The following DOCK2 variants were observed in gnomAD, a reference collection of about 807,000 sequenced individuals.
DOCK2 encodes the protein dedicator of cytokinesis 2, also known as dedicator of cytokinesis protein 2.
A neutral mutation model predicts 248.9 loss-of-function variants in DOCK2; 87 were observed. That is an observed-to-expected ratio of 0.35 (90% CI 0.29 to 0.42). The LOEUF is 0.42. Ranked by LOEUF, DOCK2 falls within the 10% of genes least tolerant of loss-of-function variation. The probability of loss-of-function intolerance (pLI) is 1.00; values close to 1 mark genes in which losing one functional copy is unlikely to be tolerated. For missense variants in DOCK2, 1,747 were observed against 2,300.2 expected (o/e 0.76, Z 4.92); for synonymous variants, 805 against 821.6 (o/e 0.98, Z 0.35).
At chr5:169,791,776 T>C (rs928328620) in intron 25 of DOCK2, among the ~76,000 whole-genome samples, 4 of 152,282 alleles carry the variant, frequency 2.6e-5, no homozygotes, top group Admixed American at 6.5e-5. Context: ...ATGCAATCCA[T>C]TGAATAGGTT....
At chr5:170,018,091 T>C (rs575204639) in intron 32 of DOCK2, among the ~76,000 whole-genome samples, 17 of 152,280 alleles carry the variant, frequency 1.1e-4, no homozygotes, top group African/African-American at 3.6e-4. Context: ...AATCAAACGA[T>C]TCGACATATA....
rs193236655 is a variant in DOCK2, at chr5:170,059,809, G to A, written c.4467+2143G>A. Among the ~76,000 whole-genome samples, 18 of 152,268 alleles carry A rather than the reference G, an allele frequency of 1.2e-4. 1 individual carries two copies. The East Asian group carries it at 1.7e-3, about 15-fold the overall frequency. On this transcript the variant is annotated intron_variant, in intron 44 of 51. Transcript: ENST00000520908. ...CCGGTTACCTTATTTTATAAACTCA[G>A]CGTTTTGAAGTTGGGAAAGAAATAG...
intron 8 of DOCK2, 112 bp downstream of exon 8, chr5:169,684,462 A>C (rs1759842159): frequency 7.4e-7 from 1 of 1,357,546 alleles, no homozygotes; most frequent in Admixed American, 2.2e-5. Context: ...AAGAGACTGC[A>C]CCTGAGTGAG....
intron 46 of DOCK2, among the ~76,000 whole-genome samples, chr5:170,071,511 T>C (rs1419805854): frequency 6.6e-6 from 1 of 152,250 alleles, no homozygotes; most frequent in Non-Finnish European, 1.5e-5. Context: ...GTTAATTTAT[T>C]TTCTTTCTGA....
intron 22 of DOCK2, among the ~76,000 whole-genome samples, chr5:169,736,833 T>G (rs1753728295): frequency 6.6e-6 from 1 of 152,230 alleles, no homozygotes; most frequent in South Asian, 2.1e-4. Context: ...AATGAAAGTT[T>G]CTATCTCAAA....
At chr5:169,702,680 T>G (rs1015142935) in intron 14 of DOCK2, 1 of 216,044 alleles carries the variant, frequency 4.6e-6, no homozygotes, top group African/African-American at 2.6e-5. Context: ...CTTGTATGTA[T>G]GTATGTATGT....
intron 27 of DOCK2, among the ~76,000 whole-genome samples, chr5:169,872,247 C>T (rs1772024681): frequency 6.6e-6 from 1 of 152,186 alleles, no homozygotes; most frequent in African/African-American, 2.4e-5. Context: ...AAAGAATTAG[C>T]TGTAAGAATC....
intron 27 of DOCK2, among the ~76,000 whole-genome samples, chr5:169,878,597 G>A (rs1772460634): frequency 6.6e-6 from 1 of 152,274 alleles, no homozygotes; most frequent in Admixed American, 6.5e-5. Flanking sequence ...AGACGTTCTA[G>A]TACCAAACTC....
At chr5:169,895,501 A>T (rs1210570861) in intron 27 of DOCK2, among the ~76,000 whole-genome samples, 2 of 152,046 alleles carry the variant, frequency 1.3e-5, no homozygotes, top group Non-Finnish European at 2.9e-5. Context: ...GCCCCTAGAG[A>T]AAAGCAGCCA....
chr5:170,072,129 T>C (rs752840473), intron 46 of DOCK2, among the ~76,000 whole-genome samples: 2 of 152,220 alleles, frequency 1.3e-5, no homozygotes, highest in Non-Finnish European at 2.9e-5. Context: ...AAAATTTTTG[T>C]TGGGTATATA....
At chr5:169,889,507 G>A (rs1333389619) in intron 27 of DOCK2, among the ~76,000 whole-genome samples, 1 of 152,198 alleles carries the variant, frequency 6.6e-6, no homozygotes, top group Non-Finnish European at 1.5e-5. Flanking sequence ...CGTTGTACAG[G>A]GTAGGGGAAG....
chr5:169,852,994 T>G (rs1248090021), intron 27 of DOCK2, among the ~76,000 whole-genome samples: 1 of 152,192 alleles, frequency 6.6e-6, no homozygotes, highest in Non-Finnish European at 1.5e-5. Flanking sequence ...AATCTCATCT[T>G]GAATTCCCAT....
chr5:169,984,118 C>T (rs1778006521), intron 28 of DOCK2, among the ~76,000 whole-genome samples: 1 of 152,172 alleles, frequency 6.6e-6, no homozygotes, highest in African/African-American at 2.4e-5. Flanking sequence ...AAAAGTATGA[C>T]ATGGAAATTA....
intron 27 of DOCK2, among the ~76,000 whole-genome samples, chr5:169,844,532 G>A (rs261634): frequency 6.6e-6 from 1 of 152,070 alleles, no homozygotes; most frequent in Non-Finnish European, 1.5e-5. Context: ...TAAGTAACCC[G>A]GTGGGTGACC....
intron 17 of DOCK2, 141 bp from the exon 18 acceptor site, chr5:169,713,887 A>T: frequency 1.1e-6 from 1 of 889,384 alleles, no homozygotes; most frequent in Non-Finnish European, 1.6e-6. Flanking sequence ...CTCACCAGCC[A>T]ATGTCTATTG....
At chr5:169,850,601 A>C (rs1213969373) in intron 27 of DOCK2, among the ~76,000 whole-genome samples, 1 of 152,204 alleles carries the variant, frequency 6.6e-6, no homozygotes, top group Non-Finnish European at 1.5e-5. Context: ...AAAAGGTGGC[A>C]TTGTGAGCTT....
chr5:170,041,090 G>A lies in DOCK2; in HGVS notation c.3701G>A (p.Cys1234Tyr). The A allele has an allele frequency of 6.2e-7, 1 of 1,614,058 alleles. No homozygotes were observed. The change falls in exon 37 of 52, where the codon TGT (cysteine) becomes TAT (tyrosine). Residue 1234 changes from cysteine (C) to tyrosine (Y), a missense_variant. Physicochemically the swap from Cys to Tyr is radical, Grantham distance 194. Coordinates refer to ENST00000520908, the MANE Select transcript of DOCK2 (RefSeq NM_004946.3). Reference sequence around the variant, plus strand: ...AAACTCCGCGATCTTCACCTGGACTGTGACAATTACACAGAGGCTGCCTAC... The same window carrying A: ...AAACTCCGCGATCTTCACCTGGACTATGACAATTACACAGAGGCTGCCTAC... ...LYKLRDLHLD[C>Y]DNYTEAAYTL...
intron 27 of DOCK2, among the ~76,000 whole-genome samples, chr5:169,977,333 G>C (rs1777751343): frequency 6.6e-6 from 1 of 152,128 alleles, no homozygotes; most frequent in African/African-American, 2.4e-5. Flanking sequence ...ACGGGTAGGC[G>C]GAGTCATCAT....
chr5:169,747,443 G>A lies in DOCK2; in HGVS notation c.2315G>A (p.Arg772Gln), dbSNP rs1232157605. 13 of 1,613,536 alleles carry A rather than the reference G, an allele frequency of 8.1e-6. No homozygotes were observed. Among genetic ancestry groups the A allele is most frequent in the African/African-American group, 5.3e-5 (4 of 74,878 alleles). The part of the protein sequence containing the change: ...EQMEFEESMR[R>Q]LFESINNLMK... ...ATGGAGTTTGAAGAATCCATGAGAC[G>A]GCTCTTTGAATCCATCAACAATCTG... The change falls in exon 23 of 52, where the codon CGG (arginine) becomes CAG (glutamine). Residue 772 changes from arginine (R) to glutamine (Q), a missense_variant. By Grantham distance (43) the Arg-to-Gln change is conservative. Transcript: ENST00000520908.
Sources: allele counts gnomAD v4.1 joint callset (sites outside exome capture counted in the v4.1 genomes callset), GRCh38; gene constraint gnomAD v4.1.1; transcripts MANE v1.5; gene names NCBI Gene and HGNC (gene_info 2026-07-23, HGNC 2026-07-21).